ASAH1: variants seen among roughly 807,000 people sequenced by gnomAD.
ASAH1 encodes N-acylsphingosine amidohydrolase 1.
In ASAH1, 70 loss-of-function variants were observed where a neutral mutation model predicts 59.5. The observed-to-expected ratio is 1.18, with a 90% CI of 0.97 to 1.43. The LOEUF (loss-of-function observed/expected upper bound fraction) is 1.43. ASAH1 is among the 40% of genes most tolerant of loss of function. The pLI is 0.00. For synonymous variants in ASAH1, 213 were observed against 166.5 expected (o/e 1.28, Z -2.15); for missense variants, 660 against 482.5 (o/e 1.37, Z -3.45).
intron 1 of ASAH1, among the ~76,000 whole-genome samples, chr8:18,079,715 A>C (rs1800571496): frequency 6.6e-6 from 1 of 152,196 alleles, no homozygotes; most frequent in East Asian, 1.9e-4. Context: ...AAGCCAAACA[A>C]CTCTAGCCAG....
chr8:18,064,430 GCCCACCCT>G lies in ASAH1; in HGVS notation c.457+19_457+26del. 2.0e-6 allele frequency: 3 copies of G among 1,489,250 alleles called. No homozygotes were observed. The highest frequency in any genetic ancestry group is 2.8e-6 in the Non-Finnish European group (3 of 1,070,070). 92.3% of individuals were successfully genotyped at this position (1,489,250 alleles called of 1,614,324 possible). ...TTTTCTTTATGTAGTGCTTCATGCT[GCCCACCCT>G]CCCTCAGCGCACAATTACCTTTTTT... is the stretch of plus-strand genomic sequence containing the variant. On this transcript the variant is annotated intron_variant, in intron 6 of 13. Transcript: ENST00000637790.
upstream of ASAH1, chr8:18,084,255 C>T (rs1280651379): frequency 6.9e-6 from 10 of 1,457,284 alleles, no homozygotes; most frequent in Non-Finnish European, 9.0e-6. Context: ...AAAAGGGTGG[C>T]GTAGAGAAAG....
At chr8:18,064,885 T>C (rs996318069) in intron 5 of ASAH1, 10 of 198,482 alleles carry the variant, frequency 5.0e-5, no homozygotes, top group Admixed American at 3.9e-4. Flanking sequence ...TTGCTGGACA[T>C]ATATTTTGCC....
At chr8:18,073,326 C>CAA (rs765478806) in intron 2 of ASAH1, 2 of 1,490,336 alleles carry the variant, frequency 1.3e-6, no homozygotes, top group Non-Finnish European at 1.8e-6. Context: ...CATTGGTATT[C>CAA]AATCAACAGT....
At chr8:18,080,742 G>C (rs868802192) in intron 1 of ASAH1, among the ~76,000 whole-genome samples, 14 of 152,076 alleles carry the variant, frequency 9.2e-5, no homozygotes, top group African/African-American at 2.2e-4. Flanking sequence ...ATTTTTAGTA[G>C]AGACAGGGTT....
At position 18,056,721 on chromosome 8, in the gene ASAH1, T is replaced by C. The variant is rs543529721; in HGVS notation, c.*813A>G. The C allele has an allele frequency of 2.6e-5, 4 of 152,172 alleles. No homozygotes were observed. The highest frequency in any genetic ancestry group is 4.8e-5 in the African/African-American group (2 of 41,450). The allele number at this position is 152,172 out of a possible 1,614,324, so 9.4% of individuals were successfully genotyped here. On this transcript the variant is annotated 3_prime_UTR_variant, in exon 14 of 14. Coordinates refer to ENST00000637790, the MANE Select transcript of ASAH1 (RefSeq NM_177924.5). Reference sequence around the variant, plus strand: ...CTGTTTATTACATGAATGCTACTTATGAGAATTTAAAATATGGGTTCACTT... The same window carrying C: ...CTGTTTATTACATGAATGCTACTTACGAGAATTTAAAATATGGGTTCACTT...
intron 10 of ASAH1, 67 bp downstream of exon 10, chr8:18,061,310 T>C: frequency 7.4e-7 from 1 of 1,349,120 alleles, no homozygotes; most frequent in African/African-American, 1.4e-5. Context: ...GCTTGACAAA[T>C]ATTTTTATTT....
At chr8:18,067,102 C>CACCTGTGCTGTATATCTAAGACATACAGT in intron 5 of ASAH1, 118 bp downstream of exon 5, 2 of 928,266 alleles carry the variant, frequency 2.2e-6, no homozygotes, top group Non-Finnish European at 3.1e-6. Flanking sequence ...AAGACCTGTG[C>CACCTGTGCTGTATATCTAAGACATACAGT]ACCTGTGCTG....
chr8:18,083,848 A>G, intron 1 of ASAH1, 133 bp downstream of exon 1: 3 of 1,508,354 alleles, frequency 2.0e-6, no homozygotes. Context: ...CCTGTGCACG[A>G]AACCACAGAC....
At chr8:18,070,015 C>G (rs1800095709) in intron 3 of ASAH1, 137 bp from the exon 4 acceptor site, 2 of 559,930 alleles carry the variant, frequency 3.6e-6, no homozygotes, top group Middle Eastern at 5.0e-4. Flanking sequence ...GCATCTCGCT[C>G]TGTCACCCAG....
At chr8:18,064,119 A>C (rs983114485) in intron 6 of ASAH1, 3 of 479,752 alleles carry the variant, frequency 6.3e-6, no homozygotes, top group Non-Finnish European at 1.1e-5. Flanking sequence ...ATGTCATGAC[A>C]TACACGAAGA....
At chr8:18,057,645 C>T in intron 13 of ASAH1, 22 bp from the exon 14 acceptor site, 1 of 1,548,598 alleles carries the variant, frequency 6.5e-7, no homozygotes, top group Non-Finnish European at 8.8e-7. Flanking sequence ...GTTATTTTTA[C>T]TTTAAGGACG....
At chr8:18,067,136 G>A in intron 5 of ASAH1, 84 bp downstream of exon 5, 1 of 1,278,600 alleles carries the variant, frequency 7.8e-7, no homozygotes, top group Non-Finnish European at 1.1e-6. Flanking sequence ...TACAGCACCT[G>A]TGCTGTATGT....
intron 2 of ASAH1, chr8:18,073,250 A>G: frequency 6.3e-7 from 1 of 1,575,810 alleles, no homozygotes; most frequent in Non-Finnish European, 8.7e-7. Flanking sequence ...ATAAAAGAGT[A>G]TCCACCTTAT....
At chr8:18,073,867 G>C (rs1424163586) in intron 2 of ASAH1, among the ~76,000 whole-genome samples, 2 of 152,192 alleles carry the variant, frequency 1.3e-5, no homozygotes, top group African/African-American at 2.4e-5. Context: ...AAGCAGGCTA[G>C]TGAGATAAAA....
chr8:18,059,896 C>A, intron 10 of ASAH1, 193 bp from the exon 11 acceptor site: 1 of 548,104 alleles, frequency 1.8e-6, no homozygotes, highest in Admixed American at 3.1e-5. Flanking sequence ...GCCCTACATG[C>A]ATTAGGTATT....
intron 1 of ASAH1, among the ~76,000 whole-genome samples, chr8:18,080,362 C>T (rs1231450370): frequency 6.6e-6 from 1 of 152,180 alleles, no homozygotes; most frequent in African/African-American, 2.4e-5. Context: ...AGCCATCTCT[C>T]CCCTCTAGTT....
intron 10 of ASAH1, chr8:18,060,624 G>A (rs899239973): frequency 7.2e-5 from 11 of 152,342 alleles, no homozygotes; most frequent in African/African-American, 2.6e-4. Flanking sequence ...TTAAAAATAG[G>A]ATTGATGCCC....
upstream of ASAH1, chr8:18,084,243 C>T: frequency 6.8e-7 from 1 of 1,466,772 alleles, no homozygotes; most frequent in Middle Eastern, 2.5e-4. Flanking sequence ...TTCAGTGCCA[C>T]GAAAAGGGTG....
Sources: gnomAD v4.1 joint callset for allele counts (sites outside exome capture counted in the v4.1 genomes callset) on GRCh38, gnomAD v4.1.1 for gene constraint, MANE v1.5 for transcripts, NCBI Gene and HGNC (gene_info 2026-07-23, HGNC 2026-07-21) for gene names.